Variants in BBS9 observed in about 807,000 individuals in gnomAD.
BBS9 encodes Bardet-Biedl syndrome 9, also known as protein PTHB1.
A neutral mutation model predicts 117.7 loss-of-function variants in BBS9; 89 were observed. The ratio of observed to expected loss-of-function variants is 0.76; its 90% CI spans 0.64 to 0.90. BBS9 has a LOEUF of 0.90. BBS9 is among the 40% of genes least tolerant of loss of function. The pLI is 0.00. For synonymous variants in BBS9, 379 were observed against 370.9 expected, an observed-to-expected ratio of 1.02 and a Z score of -0.25; for missense variants, 982 against 1,042.2, an observed-to-expected ratio of 0.94 and a Z score of 0.80.
rs558365494 is a variant in BBS9, at chr7:33,174,383, C to G, written c.329-3095C>G. Among the ~76,000 whole-genome samples the G allele has an allele frequency of 2.6e-5, 4 of 152,350 alleles. No homozygotes were observed. The South Asian group carries it at 8.3e-4, about 32-fold the overall frequency. On this transcript the variant is annotated intron_variant, in intron 4 of 22. Coordinates refer to ENST00000242067, the MANE Select transcript of BBS9 (RefSeq NM_198428.3). ...ACTTTAGCCAAATTAAATTTAACAGCATTTAATTGAACAAAGAACAATTTG... is the reference window on the plus strand; with the variant it reads ...ACTTTAGCCAAATTAAATTTAACAGGATTTAATTGAACAAAGAACAATTTG...
chr7:33,452,907 A>C (rs1161455782), intron 19 of BBS9, among the ~76,000 whole-genome samples: 1 of 152,246 alleles, frequency 6.6e-6, no homozygotes, highest in African/African-American at 2.4e-5. Flanking sequence ...GAATAAATTT[A>C]TAATCAAATA....
At chr7:33,172,987 A>G (rs555875541) in intron 4 of BBS9, among the ~76,000 whole-genome samples, 4 of 152,336 alleles carry the variant, frequency 2.6e-5, no homozygotes, top group African/African-American at 9.6e-5. Context: ...TTTCCTTAAT[A>G]GATGTAAATT....
At chr7:33,144,431 G>A (rs143378680) in intron 1 of BBS9, among the ~76,000 whole-genome samples, 1 of 152,312 alleles carries the variant, frequency 6.6e-6, no homozygotes, top group Non-Finnish European at 1.5e-5. Context: ...TGCTTGCGAT[G>A]CTTTTGTGGT....
At chr7:33,546,427 T>A (rs79320925) in intron 21 of BBS9, among the ~76,000 whole-genome samples, 1 of 152,208 alleles carries the variant, frequency 6.6e-6, no homozygotes, top group East Asian at 1.9e-4. Flanking sequence ...TACTTTTCCA[T>A]GAATATGAAT....
At chr7:33,439,547 T>G (rs76459153) in intron 19 of BBS9, among the ~76,000 whole-genome samples, 6 of 148,964 alleles carry the variant, frequency 4.0e-5, no homozygotes, top group Non-Finnish European at 3.0e-5. Context: ...TTTTTTTTTT[T>G]GGGATGGAGC....
At chr7:33,134,556 C>A (rs1790168510) in intron 1 of BBS9, among the ~76,000 whole-genome samples, 1 of 151,974 alleles carries the variant, frequency 6.6e-6, no homozygotes, top group Non-Finnish European at 1.5e-5. Context: ...ACCTTTGAAA[C>A]CTAAAAGTTT....
chr7:33,317,220 C>T (rs1250486942), intron 9 of BBS9, among the ~76,000 whole-genome samples: 2 of 152,124 alleles, frequency 1.3e-5, no homozygotes, highest in East Asian at 3.9e-4. Context: ...TGTTTAGTCT[C>T]ATGCCAATAC....
At chr7:33,412,390 G>GA (rs1831308619) in intron 19 of BBS9, among the ~76,000 whole-genome samples, 2 of 152,072 alleles carry the variant, frequency 1.3e-5, no homozygotes, top group South Asian at 4.1e-4. Context: ...GAGCTCTCTG[G>GA]TCCTGTCCCA....
chr7:33,356,219 G>A (rs192732566), intron 15 of BBS9, among the ~76,000 whole-genome samples: 216 of 151,896 alleles, frequency 1.4e-3, no homozygotes, highest in Non-Finnish European at 2.8e-3. Flanking sequence ...AACATACTCA[G>A]TGGGTGTATT....
intron 19 of BBS9, among the ~76,000 whole-genome samples, chr7:33,441,890 C>CTT (rs755891061): frequency 7.7e-5 from 11 of 141,974 alleles, no homozygotes; most frequent in Non-Finnish European, 4.6e-5. Context: ...CTGGCATATA[C>CTT]TTTTTTTTTT....
At chr7:33,502,036 G>A (rs1032672243) in intron 19 of BBS9, among the ~76,000 whole-genome samples, 7 of 151,988 alleles carry the variant, frequency 4.6e-5, no homozygotes, top group Admixed American at 1.3e-4. Flanking sequence ...TCAGCCTCCC[G>A]AGTACTGGGA....
intron 21 of BBS9, among the ~76,000 whole-genome samples, chr7:33,564,292 A>G (rs1372850908): frequency 1.3e-5 from 2 of 152,128 alleles, no homozygotes; most frequent in Non-Finnish European, 2.9e-5. Flanking sequence ...TTGACATTGG[A>G]AGGGATTTTA....
At chr7:33,332,548 G>A (rs1033875756) in intron 9 of BBS9, among the ~76,000 whole-genome samples, 1 of 152,000 alleles carries the variant, frequency 6.6e-6, no homozygotes, top group Non-Finnish European at 1.5e-5. Flanking sequence ...GTGGTGGCAG[G>A]CGCCTGTAAT....
At chr7:33,379,856 AT>A (rs1824628932) in intron 17 of BBS9, 1 of 152,258 alleles carries the variant, frequency 6.6e-6, no homozygotes, top group Non-Finnish European at 1.5e-5. Flanking sequence ...TAAAGCAGAA[AT>A]TTCAGAATCT....
At chr7:33,306,820 T>G (rs1808104653) in intron 9 of BBS9, among the ~76,000 whole-genome samples, 1 of 152,170 alleles carries the variant, frequency 6.6e-6, no homozygotes, top group South Asian at 2.1e-4. Context: ...TTTCATATTT[T>G]AAGCATAGAA....
At chr7:33,386,911 T>A (rs1382717197) in intron 18 of BBS9, among the ~76,000 whole-genome samples, 6 of 152,214 alleles carry the variant, frequency 3.9e-5, no homozygotes, top group Non-Finnish European at 5.9e-5. Flanking sequence ...GTGTCCAGTT[T>A]CTTGTATATC....
Position 33,380,268 on chromosome 7 carries a change from C to T in BBS9, c.1790-3398C>T, listed in dbSNP as rs935844512. Reference sequence around the variant, plus strand: ...ACCAGCCTCTCCCAACTACAAGCTCCACCTGCACCTGCTGAGCCCCACTAA... The same window carrying T: ...ACCAGCCTCTCCCAACTACAAGCTCTACCTGCACCTGCTGAGCCCCACTAA... On this transcript the variant is annotated intron_variant, in intron 17 of 22. Coordinates refer to ENST00000242067, the MANE Select transcript of BBS9 (RefSeq NM_198428.3). 5 of 172,794 alleles carry T rather than the reference C, an allele frequency of 2.9e-5. No homozygotes were observed. The South Asian group carries it at 8.4e-4, about 29-fold the overall frequency. The allele number at this position is 172,794 out of a possible 1,614,324, so 10.7% of individuals were successfully genotyped here.
chr7:33,173,203 T>C (rs1796859700), intron 4 of BBS9, among the ~76,000 whole-genome samples: 1 of 152,206 alleles, frequency 6.6e-6, no homozygotes, highest in Admixed American at 6.5e-5. Context: ...CTATTTTGCC[T>C]GAGGGCCTGC....
At chr7:33,239,264 A>G (rs1006659713) in intron 5 of BBS9, among the ~76,000 whole-genome samples, 1 of 152,202 alleles carries the variant, frequency 6.6e-6, no homozygotes, top group Non-Finnish European at 1.5e-5. Context: ...GACTACGCTA[A>G]GGATTTAAAC....
Sources: allele counts gnomAD v4.1 joint callset (sites outside exome capture counted in the v4.1 genomes callset), GRCh38; gene constraint gnomAD v4.1.1; transcripts MANE v1.5; gene names NCBI Gene and HGNC (gene_info 2026-07-23, HGNC 2026-07-21).